Variants in ANKRD36B observed in about 807,000 individuals in gnomAD.
ANKRD36B encodes ankyrin repeat domain 36B, also known as ankyrin repeat domain-containing protein 36B.
Under a neutral mutation model 135.7 loss-of-function variants are expected in ANKRD36B, and 37 were observed. The ratio of observed to expected loss-of-function variants is 0.27; its 90% CI spans 0.21 to 0.36. ANKRD36B has a LOEUF of 0.36. Among genes scored for constraint, ANKRD36B ranks in the 10% least tolerant of loss-of-function variants. The pLI is 1.00. For synonymous variants in ANKRD36B, 179 were observed against 348.1 expected (o/e 0.51, Z 5.41); for missense variants, 549 against 1,037.1 (o/e 0.53, Z 6.46).
chr2:97,562,169 T>G (rs1237143318), intron 6 of ANKRD36B, among the ~76,000 whole-genome samples: 1 of 151,786 alleles, frequency 6.6e-6, no homozygotes, highest in Non-Finnish European at 1.5e-5. Context: ...CAGATTCCTA[T>G]GAAAATAAAC....
intron 6 of ANKRD36B, among the ~76,000 whole-genome samples, chr2:97,564,987 G>C (rs2081325534): frequency 6.6e-6 from 1 of 151,878 alleles, no homozygotes. Context: ...TCAAGATATT[G>C]ATTCTTCCTA....
intron 43 of ANKRD36B, among the ~76,000 whole-genome samples, chr2:97,506,660 T>C (rs1393710650): frequency 5.4e-5 from 5 of 92,972 alleles, no homozygotes; most frequent in Admixed American, 4.7e-4. Flanking sequence ...ATCACACGAG[T>C]GTGGGGTCTC....
At chr2:97,571,752 A>G (rs536455201) in intron 6 of ANKRD36B, among the ~76,000 whole-genome samples, 3 of 152,348 alleles carry the variant, frequency 2.0e-5, no homozygotes, top group Admixed American at 6.5e-5. Flanking sequence ...ACTTACTATC[A>G]ATCATAGAGC....
rs2078212498 is a variant in ANKRD36B at position 97,526,430 on chromosome 2, T to C, written c.2266-2963A>G. Among the ~76,000 whole-genome samples, 2 of 95,786 alleles carry C rather than the reference T, an allele frequency of 2.1e-5. 1 individual carries two copies. Among genetic ancestry groups the C allele is most frequent in the Non-Finnish European group, 5.5e-5 (2 of 36,040 alleles). 62.8% of individuals were successfully genotyped at this position (95,786 alleles called of 152,430 possible). On this transcript the variant is annotated intron_variant, in intron 35 of 43. Transcript: ENST00000359901. ...CATCACCATCATCAAAGACCACAAG[T>C]AGATAAAACCACAAAGATGGGGAAA...
chr2:97,574,339 A>G (rs952246292), intron 6 of ANKRD36B, among the ~76,000 whole-genome samples: 5 of 152,226 alleles, frequency 3.3e-5, no homozygotes, highest in Non-Finnish European at 5.9e-5. Flanking sequence ...CCACAGTGAG[A>G]TACCATCTCA....
rs185735967 is a variant in ANKRD36B at position 97,584,508 on chromosome 2, C to T, written c.450+436G>A. Among the ~76,000 whole-genome samples the T allele has an allele frequency of 1.2e-3, 176 of 152,100 alleles. 2 individuals are homozygous for T. The highest frequency in any genetic ancestry group is 6.0e-3 in the East Asian group (31 of 5,158). On this transcript the variant is annotated intron_variant, in intron 3 of 43. Coordinates refer to ENST00000359901, the MANE Select transcript of ANKRD36B (RefSeq NM_001393939.1). ...CAAATGAAATCACCTTCACATACAACACTTGTCAACAGCAACAACATGTAC... is the reference window on the plus strand; with the variant it reads ...CAAATGAAATCACCTTCACATACAATACTTGTCAACAGCAACAACATGTAC...
intron 14 of ANKRD36B, among the ~76,000 whole-genome samples, chr2:97,554,769 G>A (rs1455786578): frequency 6.6e-6 from 1 of 151,916 alleles, no homozygotes; most frequent in Non-Finnish European, 1.5e-5. Flanking sequence ...AAAACATGCT[G>A]TAGAATTAAA....
intron 8 of ANKRD36B, among the ~76,000 whole-genome samples, chr2:97,559,474 C>A (rs2080831831): frequency 6.6e-6 from 1 of 151,820 alleles, no homozygotes; most frequent in African/African-American, 2.4e-5. Context: ...TAAATGTACA[C>A]TTCACGTCTC....
rs2078868022 is a variant in ANKRD36B, at chr2:97,535,992, AAGG to A, written c.2191+305_2191+307del. 2.1e-5 allele frequency among the ~76,000 whole-genome samples: 2 copies of A among 94,104 alleles called. 1 individual carries two copies. Among genetic ancestry groups the A allele is most frequent in the Non-Finnish European group, 5.6e-5 (2 of 35,548 alleles). 61.7% of individuals were successfully genotyped at this position (94,104 alleles called of 152,430 possible). A position where few individuals can be genotyped will look rare whatever the true frequency, so the allele number is the denominator to read the frequency against. On this transcript the variant is annotated intron_variant, in intron 34 of 43. Coordinates refer to ENST00000359901, the MANE Select transcript of ANKRD36B (RefSeq NM_001393939.1). The stretch of plus-strand genomic sequence containing the variant: ...AGGCAGGAGAATTGCTTGAACCAGG[AAGG>A]TGGAGGTTGTGGTGAGCTACAATTG...
chr2:97,578,869 A>G (rs1377957258), intron 5 of ANKRD36B, 37 bp downstream of exon 5: 2 of 1,597,256 alleles, frequency 1.3e-6, no homozygotes, highest in Non-Finnish European at 1.7e-6. Context: ...TTAAACTTCA[A>G]TTTAGTGTTC....
chr2:97,521,879 C>T (rs1484306459), intron 36 of ANKRD36B, among the ~76,000 whole-genome samples: 1 of 89,234 alleles, frequency 1.1e-5, no homozygotes, highest in Non-Finnish European at 3.0e-5. Context: ...ACATAAGCAA[C>T]CAGCTTATGA....
At position 97,550,166 on chromosome 2, in the gene ANKRD36B, C is replaced by G. The variant is rs1256539884; in HGVS notation, c.1376-552G>C. ...CACCTTGGACACCTGTTTGCTGATA[C>G]CAAGTAGATAATATTCATTATCTCT... On this transcript the variant is annotated intron_variant, in intron 18 of 43. Coordinates refer to ENST00000359901, the MANE Select transcript of ANKRD36B (RefSeq NM_001393939.1). Among the ~76,000 whole-genome samples the G allele has an allele frequency of 2.0e-5, 3 of 149,836 alleles. No individual in the cohort carries two copies. The East Asian group carries it at 5.9e-4, about 29-fold the overall frequency.
At chr2:97,521,592 G>A (rs1425524213) in intron 36 of ANKRD36B, among the ~76,000 whole-genome samples, 1 of 89,820 alleles carries the variant, frequency 1.1e-5, no homozygotes, top group Admixed American at 9.8e-5. Flanking sequence ...ACATGAGGTC[G>A]GATGTAGAAT....
rs565977301 is a variant in ANKRD36B at position 97,526,590 on chromosome 2, A to T, written c.2266-3123T>A. Among the ~76,000 whole-genome samples, 4 of 97,860 alleles carry T rather than the reference A, an allele frequency of 4.1e-5. 2 individuals carry two copies. The East Asian group carries it at 9.2e-4, about 22-fold the overall frequency. 64.2% of individuals were successfully genotyped at this position (97,860 alleles called of 152,430 possible). ...ACAAGTTGAGAGAAGAAGGCTTCAGATGATCAAACTACTCTGAGCTACAGG... is the reference window on the plus strand; with the variant it reads ...ACAAGTTGAGAGAAGAAGGCTTCAGTTGATCAAACTACTCTGAGCTACAGG... On this transcript the variant is annotated intron_variant, in intron 35 of 43. Coordinates refer to ENST00000359901, the MANE Select transcript of ANKRD36B (RefSeq NM_001393939.1).
chr2:97,531,686 G>C lies in ANKRD36B; in HGVS notation c.2265+625C>G, dbSNP rs2078612945. Among the ~76,000 whole-genome samples, 3 of 95,546 alleles carry C rather than the reference G, an allele frequency of 3.1e-5. 1 individual carries two copies. The highest frequency in any genetic ancestry group is 9.4e-5 in the African/African-American group (3 of 31,834). 62.7% of individuals were successfully genotyped at this position (95,546 alleles called of 152,430 possible). A position where few individuals can be genotyped will look rare whatever the true frequency, so the allele number is the denominator to read the frequency against. ...GTTCTAAGGTCTACTAATGACAGTG[G>C]ATTTAATAAATTTAACAATATTTAG... On this transcript the variant is annotated intron_variant, in intron 35 of 43. Transcript: ENST00000359901.
chr2:97,566,060 T>C (rs1048206028), intron 6 of ANKRD36B, among the ~76,000 whole-genome samples: 2 of 151,730 alleles, frequency 1.3e-5, no homozygotes, highest in African/African-American at 4.8e-5. Flanking sequence ...ATGGCTGTGA[T>C]CTCAGCATTT....
chr2:97,569,927 A>AT (rs965817440), intron 6 of ANKRD36B, among the ~76,000 whole-genome samples: 3 of 152,124 alleles, frequency 2.0e-5, no homozygotes, highest in African/African-American at 7.2e-5. Flanking sequence ...TAAATGATTG[A>AT]TTTTTTTAAT....
chr2:97,548,009 T>C lies in ANKRD36B; in HGVS notation c.1478-278A>G, dbSNP rs371915759. On this transcript the variant is annotated intron_variant, in intron 20 of 43. Coordinates refer to ENST00000359901, the MANE Select transcript of ANKRD36B (RefSeq NM_001393939.1). ...CGTGTCAATATCAACGTGGATATGC[T>C]GAGTGATGAGGACAAAGTGATCTAA... Among the ~76,000 whole-genome samples the C allele has an allele frequency of 1.1e-3, 168 of 151,948 alleles. 4 individuals are homozygous for C. In the East Asian group the frequency reaches 0.013, roughly 11 times the overall value.
intron 21 of ANKRD36B, 28 bp from the exon 22 acceptor site, chr2:97,547,636 A>C (rs763369034): frequency 6.4e-7 from 1 of 1,558,608 alleles, no homozygotes; most frequent in African/African-American, 1.4e-5. Context: ...TGAAATAATA[A>C]ATTAATAAAG....
Sources: gnomAD v4.1 joint callset for allele counts (sites outside exome capture counted in the v4.1 genomes callset) on GRCh38, gnomAD v4.1.1 for gene constraint, MANE v1.5 for transcripts, NCBI Gene and HGNC (gene_info 2026-07-23, HGNC 2026-07-21) for gene names.